CARMIL1: variants seen among roughly 807,000 people sequenced by gnomAD.
CARMIL1 encodes F-actin-uncapping protein LRRC16A.
A neutral mutation model predicts 177.1 loss-of-function variants in CARMIL1; 90 were observed. The ratio of observed to expected loss-of-function variants is 0.51; its 90% CI spans 0.43 to 0.61. The LOEUF is 0.61. Among genes scored for constraint, CARMIL1 ranks in the 20% least tolerant of loss-of-function variants. The probability of loss-of-function intolerance (pLI) is 0.00; values close to 1 mark genes in which losing one functional copy is unlikely to be tolerated. For synonymous variants in CARMIL1, 577 were observed against 606.2 expected (o/e 0.95, Z 0.71); for missense variants, 1,380 against 1,667.0 (o/e 0.83, Z 3.00).
intron 5 of CARMIL1, among the ~76,000 whole-genome samples, 194 bp from the exon 6 acceptor site, chr6:25,449,704 A>G (rs1798591272): frequency 6.6e-6 from 1 of 152,258 alleles, no homozygotes; most frequent in Non-Finnish European, 1.5e-5. Flanking sequence ...AAGGAAAGTT[A>G]TAGGGATTTA....
At chr6:25,366,301 A>G (rs979599315) in intron 2 of CARMIL1, among the ~76,000 whole-genome samples, 1 of 152,084 alleles carries the variant, frequency 6.6e-6, no homozygotes, top group Admixed American at 6.5e-5. Context: ...ATGGCCTTTC[A>G]GTGTCTTTGA....
intron 14 of CARMIL1, 59 bp downstream of exon 14, chr6:25,491,868 G>A (rs1296375534): frequency 1.8e-5 from 28 of 1,514,010 alleles, no homozygotes; most frequent in Non-Finnish European, 2.5e-5. Context: ...CTATTTAGAT[G>A]GGATGTAGGG....
At chr6:25,435,880 T>C (rs1797180494) in intron 5 of CARMIL1, among the ~76,000 whole-genome samples, 1 of 152,198 alleles carries the variant, frequency 6.6e-6, no homozygotes, top group South Asian at 2.1e-4. Flanking sequence ...CTTTTTAATA[T>C]AACTCCAGAT....
Position 25,510,145 on chromosome 6 carries a change from A to G in CARMIL1, c.1478-362A>G, listed in dbSNP as rs192880537. 2.9e-3 allele frequency among the ~76,000 whole-genome samples: 441 copies of G among 152,286 alleles called. 1 individual carries two copies. The highest frequency in any genetic ancestry group is 6.8e-3 in the Middle Eastern group (2 of 294). ...GTATGAACCTGTGAAATTTGCATAGACAACTTTAACTCCACTTACCTCACA... is the reference window on the plus strand; with the variant it reads ...GTATGAACCTGTGAAATTTGCATAGGCAACTTTAACTCCACTTACCTCACA... On this transcript the variant is annotated intron_variant, in intron 18 of 36. Transcript: ENST00000329474.
chr6:25,618,046 T>C (rs1759427871), intron 36 of CARMIL1, among the ~76,000 whole-genome samples: 1 of 151,786 alleles, frequency 6.6e-6, no homozygotes, highest in African/African-American at 2.4e-5. Flanking sequence ...ATTTGAAAGG[T>C]TTTTTTCCTT....
Position 25,316,493 on chromosome 6 carries a change from C to T in CARMIL1, c.138+31584C>T, listed in dbSNP as rs546030392. Among the ~76,000 whole-genome samples, 18 of 151,788 alleles carry T rather than the reference C, an allele frequency of 1.2e-4. No homozygotes were observed. The South Asian group carries it at 3.5e-3, about 30-fold the overall frequency. On this transcript the variant is annotated intron_variant, in intron 2 of 36. Coordinates refer to ENST00000329474, the MANE Select transcript of CARMIL1 (RefSeq NM_017640.6). ...GGAGTGTGATCTCCACTCACCGCAA[C>T]CTCCATCTCGCGGGTTCAAGCGATT...
At chr6:25,413,793 A>G (rs1377756476) in intron 2 of CARMIL1, among the ~76,000 whole-genome samples, 3 of 151,836 alleles carry the variant, frequency 2.0e-5, no homozygotes, top group African/African-American at 7.3e-5. Context: ...AAGCACATAT[A>G]CTCCATCTGA....
chr6:25,357,008 A>C (rs1452659784), intron 2 of CARMIL1, among the ~76,000 whole-genome samples: 1 of 151,050 alleles, frequency 6.6e-6, no homozygotes, highest in African/African-American at 2.4e-5. Context: ...CAGAATGGCT[A>C]CTTTTAGTGG....
intron 26 of CARMIL1, among the ~76,000 whole-genome samples, chr6:25,541,380 A>G (rs1307593168): frequency 6.6e-6 from 1 of 152,214 alleles, no homozygotes; most frequent in Non-Finnish European, 1.5e-5. Flanking sequence ...TTATAGGTTG[A>G]TGAATAATCA....
At position 25,503,570 on chromosome 6, in the gene CARMIL1, A is replaced by G. The variant is rs545323158; in HGVS notation, c.1395+3335A>G. 3.3e-5 allele frequency among the ~76,000 whole-genome samples: 5 copies of G among 152,276 alleles called. No individual in the cohort carries two copies. In the East Asian group the frequency reaches 7.7e-4, roughly 23 times the overall value. Reference sequence around the variant, plus strand: ...TGTTTGATATTGTAGAGTTTATGTAATCCTCTTAGAAAGAAGCTCTTACTA... The same window carrying G: ...TGTTTGATATTGTAGAGTTTATGTAGTCCTCTTAGAAAGAAGCTCTTACTA... On this transcript the variant is annotated intron_variant, in intron 17 of 36. Coordinates refer to ENST00000329474, the MANE Select transcript of CARMIL1 (RefSeq NM_017640.6).
intron 2 of CARMIL1, among the ~76,000 whole-genome samples, chr6:25,384,417 G>T (rs1042904481): frequency 3.3e-5 from 5 of 152,342 alleles, no homozygotes; most frequent in Admixed American, 3.3e-4. Flanking sequence ...TTATATAGTA[G>T]TTTCTGTAGT....
At chr6:25,618,323 G>A (rs1353811336) in intron 36 of CARMIL1, among the ~76,000 whole-genome samples, 1 of 151,534 alleles carries the variant, frequency 6.6e-6, no homozygotes, top group African/African-American at 2.4e-5. Flanking sequence ...GAATCCTATA[G>A]CTTTTAAAGG....
chr6:25,526,651 C>G (rs1412585340), intron 23 of CARMIL1, among the ~76,000 whole-genome samples: 1 of 151,854 alleles, frequency 6.6e-6, no homozygotes, highest in Non-Finnish European at 1.5e-5. Context: ...TTCCTGAGCT[C>G]AAGTGATCCT....
intron 5 of CARMIL1, among the ~76,000 whole-genome samples, chr6:25,436,055 A>AATCC (rs1352460736): frequency 2.6e-5 from 4 of 152,150 alleles, no homozygotes; most frequent in African/African-American, 9.7e-5. Flanking sequence ...TGAATGTAAA[A>AATCC]ATCCCTTTTT....
intron 2 of CARMIL1, among the ~76,000 whole-genome samples, chr6:25,333,071 T>G (rs1212218660): frequency 6.6e-6 from 1 of 152,210 alleles, no homozygotes; most frequent in Non-Finnish European, 1.5e-5. Context: ...GAAGTCCATC[T>G]GAATAGTACA....
chr6:25,300,719 C>T (rs888882008), intron 2 of CARMIL1, among the ~76,000 whole-genome samples: 2 of 152,200 alleles, frequency 1.3e-5, no homozygotes, highest in African/African-American at 2.4e-5. Flanking sequence ...ATCAGAAACT[C>T]TGGCAGTGGA....
At chr6:25,481,123 G>A (rs898362287) in intron 11 of CARMIL1, among the ~76,000 whole-genome samples, 1 of 150,164 alleles carries the variant, frequency 6.7e-6, no homozygotes, top group Admixed American at 6.6e-5. Context: ...TTACAAGAGT[G>A]TATCAGCTAA....
Position 25,509,059 on chromosome 6 carries a change from ATTAAT to A in CARMIL1, c.1396-592_1396-588del, listed in dbSNP as rs991394561. ...AACAATCATGATAATAATATTTTAT[ATTAAT>A]TTAACATTTTTCCATCCATGGCTCG... On this transcript the variant is annotated intron_variant, in intron 17 of 36. Transcript: ENST00000329474. The surrounding 1 kb of genome is among the most constrained non-coding windows in gnomAD (Gnocchi z 4.1). 2.6e-5 allele frequency among the ~76,000 whole-genome samples: 4 copies of A among 152,198 alleles called. No individual in the cohort carries two copies. The highest frequency in any genetic ancestry group is 7.2e-5 in the African/African-American group (3 of 41,464).
At chr6:25,405,121 A>G (rs1794249966) in intron 2 of CARMIL1, among the ~76,000 whole-genome samples, 1 of 152,234 alleles carries the variant, frequency 6.6e-6, no homozygotes, top group Non-Finnish European at 1.5e-5. Flanking sequence ...GACATTTGTC[A>G]AAGTGCTGAA....
Sources: allele counts gnomAD v4.1 joint callset (sites outside exome capture counted in the v4.1 genomes callset), GRCh38; gene constraint gnomAD v4.1.1; non-coding constraint Gnocchi (gnomAD v3.1); transcripts MANE v1.5; gene names NCBI Gene and HGNC (gene_info 2026-07-23, HGNC 2026-07-21).